GTF2E2: variants seen among roughly 807,000 people sequenced by gnomAD.
GTF2E2 encodes the protein transcription initiation factor IIE subunit beta.
A neutral mutation model predicts 40.5 loss-of-function variants in GTF2E2; 21 were observed. The ratio of observed to expected loss-of-function variants is 0.52; its 90% CI spans 0.37 to 0.75. GTF2E2 has a LOEUF of 0.75. Ranked by LOEUF, GTF2E2 falls within the 30% of genes least tolerant of loss-of-function variation. The pLI is 0.00. For synonymous variants in GTF2E2, 117 were observed against 121.6 expected (o/e 0.96, Z 0.25); for missense variants, 298 against 338.4 (o/e 0.88, Z 0.94).
intron 2 of GTF2E2, among the ~76,000 whole-genome samples, chr8:30,647,775 T>C (rs1447045292): frequency 1.3e-5 from 2 of 152,358 alleles, no homozygotes; most frequent in South Asian, 2.1e-4. Context: ...TTCACAAACG[T>C]TGGATTCTTG....
intron 6 of GTF2E2, among the ~76,000 whole-genome samples, chr8:30,596,090 T>G (rs1563478401): frequency 6.6e-6 from 1 of 152,214 alleles, no homozygotes; most frequent in Non-Finnish European, 1.5e-5. Flanking sequence ...TATTCTGCAA[T>G]TTGAATATGA....
At chr8:30,635,760 G>A (rs1199299981) in intron 2 of GTF2E2, among the ~76,000 whole-genome samples, 1 of 151,946 alleles carries the variant, frequency 6.6e-6, no homozygotes, top group East Asian at 1.9e-4. Context: ...TATTAAACAA[G>A]GAAACAATAC....
chr8:30,587,135 G>A (rs868555257), intron 6 of GTF2E2, among the ~76,000 whole-genome samples: 1 of 152,192 alleles, frequency 6.6e-6, no homozygotes, highest in South Asian at 2.1e-4. Flanking sequence ...TATAGGGCAG[G>A]TGCCACAACT....
At chr8:30,638,813 T>C (rs1205518603) in intron 2 of GTF2E2, among the ~76,000 whole-genome samples, 1 of 152,260 alleles carries the variant, frequency 6.6e-6, no homozygotes, top group East Asian at 1.9e-4. Context: ...GAAGACTGCC[T>C]TGTGCTATTT....
intron 2 of GTF2E2, among the ~76,000 whole-genome samples, chr8:30,643,001 G>C (rs1801905499): frequency 6.6e-6 from 1 of 152,176 alleles, no homozygotes; most frequent in African/African-American, 2.4e-5. Context: ...CCACGCTGGA[G>C]TGCAATGTGC....
intron 2 of GTF2E2, chr8:30,637,233 T>C (rs1447305072): frequency 2.2e-6 from 1 of 456,034 alleles, no homozygotes; most frequent in Admixed American, 2.4e-5. Flanking sequence ...AGTAAAATAA[T>C]ATTAAGCTTA....
Position 30,579,075 on chromosome 8 carries a change from G to A in GTF2E2, c.760-38C>T, listed in dbSNP as rs766529243. On this transcript the variant is annotated intron_variant, in intron 7 of 7. Transcript: ENST00000355904. ...GTAAAAACAATTAGAAACAACAGCT[G>A]CTCTGAGGGGTGGTGTGGCCAGGAT... 5 of 1,043,312 alleles carry A rather than the reference G, an allele frequency of 4.8e-6. No individual in the cohort carries two copies. In the Admixed American group the frequency reaches 8.5e-5, roughly 18 times the overall value. 64.6% of individuals were successfully genotyped at this position (1,043,312 alleles called of 1,614,324 possible). A position where few individuals can be genotyped will look rare whatever the true frequency, so the allele number is the denominator to read the frequency against.
chr8:30,628,307 A>C (rs1801343801), intron 3 of GTF2E2, among the ~76,000 whole-genome samples: 1 of 152,216 alleles, frequency 6.6e-6, no homozygotes, highest in African/African-American at 2.4e-5. Context: ...ACTGACTTGC[A>C]CAAGAGTGGA....
At chr8:30,621,477 G>C (rs545804042) in intron 3 of GTF2E2, among the ~76,000 whole-genome samples, 1 of 151,990 alleles carries the variant, frequency 6.6e-6, no homozygotes, top group Non-Finnish European at 1.5e-5. Context: ...CATAGATCAG[G>C]AATTAAAAAG....
intron 3 of GTF2E2, among the ~76,000 whole-genome samples, chr8:30,622,166 C>A (rs1335133815): frequency 8.5e-6 from 1 of 116,996 alleles, no homozygotes; most frequent in East Asian, 2.8e-4. Flanking sequence ...TGTTCCCCTT[C>A]CTGTGTCCAA....
chr8:30,654,054 A>G (rs1802375680), intron 1 of GTF2E2, among the ~76,000 whole-genome samples: 2 of 149,406 alleles, frequency 1.3e-5, no homozygotes, highest in Non-Finnish European at 3.0e-5. Context: ...ATGCCACTGC[A>G]CTCTAGCCTG....
intron 4 of GTF2E2, among the ~76,000 whole-genome samples, chr8:30,613,725 AT>A (rs1282063459): frequency 1.3e-5 from 2 of 152,238 alleles, no homozygotes; most frequent in Non-Finnish European, 2.9e-5. Context: ...TGGTAAAAAA[AT>A]AAATGAATTG....
intron 6 of GTF2E2, among the ~76,000 whole-genome samples, chr8:30,587,105 T>C (rs928496825): frequency 2.0e-5 from 3 of 152,142 alleles, no homozygotes; most frequent in Admixed American, 2.0e-4. Flanking sequence ...ATACATCTAA[T>C]ATGGGTTTAA....
At chr8:30,635,372 T>C (rs1801564680) in intron 2 of GTF2E2, among the ~76,000 whole-genome samples, 1 of 152,090 alleles carries the variant, frequency 6.6e-6, no homozygotes, top group Non-Finnish European at 1.5e-5. Flanking sequence ...TAAATATCTT[T>C]ATCACATTAT....
rs1829332860 is a variant in GTF2E2, at chr8:30,606,984, T to C, written c.643+73A>G. 6 of 572,252 alleles carry C rather than the reference T, an allele frequency of 1.0e-5. No individual in the cohort carries two copies. In the South Asian group the frequency reaches 1.4e-4, roughly 13 times the overall value. 35.4% of individuals were successfully genotyped at this position (572,252 alleles called of 1,614,324 possible). A position where few individuals can be genotyped will look rare whatever the true frequency, so the allele number is the denominator to read the frequency against. On this transcript the variant is annotated intron_variant, in intron 6 of 7. Coordinates refer to ENST00000355904, the MANE Select transcript of GTF2E2 (RefSeq NM_002095.6). The stretch of plus-strand genomic sequence containing the variant: ...ATATAAGATTTAAATTATAATTGTA[T>C]TATAAATATTAATTTTACCACCCTA...
intron 3 of GTF2E2, among the ~76,000 whole-genome samples, chr8:30,632,442 G>T (rs1349455256): frequency 2.0e-5 from 3 of 152,116 alleles, no homozygotes; most frequent in African/African-American, 4.8e-5. Flanking sequence ...TTTGACAATG[G>T]AGACTGGCTT....
intron 6 of GTF2E2, among the ~76,000 whole-genome samples, chr8:30,606,675 G>C (rs1260527632): frequency 1.3e-5 from 2 of 152,118 alleles, no homozygotes; most frequent in African/African-American, 4.8e-5. Flanking sequence ...AGATTCATAA[G>C]ATAAGAGAAC....
intron 6 of GTF2E2, among the ~76,000 whole-genome samples, chr8:30,590,018 T>C (rs1422853902): frequency 6.6e-6 from 1 of 152,210 alleles, no homozygotes; most frequent in East Asian, 1.9e-4. Context: ...TCCTGAAGTT[T>C]TGACAAGCAT....
chr8:30,582,198 G>T (rs996887696), intron 6 of GTF2E2, among the ~76,000 whole-genome samples: 1 of 152,018 alleles, frequency 6.6e-6, no homozygotes, highest in African/African-American at 2.4e-5. Context: ...GGGGGGTGGG[G>T]GGTTGTGTAG....
Sources: gnomAD v4.1 joint callset for allele counts (sites outside exome capture counted in the v4.1 genomes callset) on GRCh38, gnomAD v4.1.1 for gene constraint, MANE v1.5 for transcripts, NCBI Gene and HGNC (gene_info 2026-07-23, HGNC 2026-07-21) for gene names.